The following RPS6KC1 variants were observed in gnomAD, a reference collection of about 807,000 sequenced individuals.
The protein encoded by RPS6KC1 is inactive ribosomal protein S6 kinase delta-1.
RPS6KC1 carries 54 observed loss-of-function variants against 103.8 expected under a neutral mutation model. The observed-to-expected ratio is 0.52, with a 90% confidence interval of 0.42 to 0.65. The LOEUF is 0.65. Ranked by LOEUF, RPS6KC1 falls within the 30% of genes least tolerant of loss-of-function variation. RPS6KC1 has a pLI of 0.00. For missense variants in RPS6KC1, 1,151 were observed against 1,253.8 expected (o/e 0.92, Z 1.24); for synonymous variants, 439 against 438.7 (o/e 1.00, Z -0.01).
chr1:213,296,552 A>G, the RPS6KC1 span, among the ~76,000 whole-genome samples: 2 of 152,190 alleles, frequency 1.3e-5, no homozygotes, highest in Non-Finnish European at 2.9e-5. Flanking sequence ...AAAACTGTAG[A>G]AGATAATCAG....
intron 8 of RPS6KC1, among the ~76,000 whole-genome samples, chr1:213,220,279 C>A (rs1284933066): frequency 6.6e-6 from 1 of 152,108 alleles, no homozygotes; most frequent in Admixed American, 6.5e-5. Flanking sequence ...ATTGTAGAAT[C>A]TAAAAATCTG....
In RPS6KC1 at chr1:213,241,141, T is replaced by C. The variant is rs561881280; in HGVS notation, c.1665T>C (p.Ala555=). ...TTAAAAGCTTCCCAGCACACCTTGC[T>C]GCTGACAGTGACAGCCCCAGCACAC... ...KAIKSFPAHL[A]ADSDSPSTQL... Residue 555 remains alanine, a synonymous_variant, in exon 11 of 15, where the codon GCT becomes GCC. Transcript: ENST00000366960. 6 of 1,613,896 alleles carry C rather than the reference T, an allele frequency of 3.7e-6. No homozygotes were observed. The South Asian group carries it at 5.5e-5, about 15-fold the overall frequency.
At chr1:213,724,622 A>G in the RPS6KC1 span, among the ~76,000 whole-genome samples, 1 of 152,198 alleles carries the variant, frequency 6.6e-6, no homozygotes, top group Non-Finnish European at 1.5e-5. Flanking sequence ...AGTTTGAGCC[A>G]GGTATAGTGG....
chr1:213,489,978 C>G, the RPS6KC1 span, among the ~76,000 whole-genome samples: 5 of 152,114 alleles, frequency 3.3e-5, no homozygotes, highest in African/African-American at 1.2e-4. Flanking sequence ...GCAACATGAT[C>G]ACGTTTATTT....
chr1:213,097,115 G>A (rs1228712878), intron 3 of RPS6KC1, among the ~76,000 whole-genome samples: 1 of 152,156 alleles, frequency 6.6e-6, no homozygotes, highest in African/African-American at 2.4e-5. Flanking sequence ...CAGCACTTTG[G>A]GAGGCCAAGG....
At chr1:213,755,741 C>T in the RPS6KC1 span, among the ~76,000 whole-genome samples, 1 of 152,250 alleles carries the variant, frequency 6.6e-6, no homozygotes. Flanking sequence ...CTTATGCAGA[C>T]ATGAACTTTG....
intron 5 of RPS6KC1, among the ~76,000 whole-genome samples, chr1:213,119,183 C>T (rs976666273): frequency 5.3e-5 from 8 of 151,646 alleles, no homozygotes; most frequent in East Asian, 1.9e-4. Context: ...TGGTGGCTCA[C>T]GCTTGTAATC....
the RPS6KC1 span, among the ~76,000 whole-genome samples, chr1:213,834,108 G>A: frequency 1.5e-4 from 23 of 152,112 alleles, no homozygotes; most frequent in African/African-American, 5.1e-4. Flanking sequence ...GCACAATCAC[G>A]GCTCACTGCA....
At chr1:213,163,232 A>C (rs977763445) in intron 6 of RPS6KC1, among the ~76,000 whole-genome samples, 6 of 152,242 alleles carry the variant, frequency 3.9e-5, no homozygotes, top group Non-Finnish European at 8.8e-5. Context: ...AGCAGCAACA[A>C]ACAAAAACTC....
In RPS6KC1 at chr1:213,230,542, A is replaced by C; in HGVS notation, c.1090A>C (p.Lys364Gln). ...AAGGACAGAACAGACTTTCATTTTA[A>C]AAGTAAGTAAAATTTGTAGCCAGGC... ...DTRTEQTFIL[K>Q]GLRKSSEYSR... Residue 364 changes from lysine (K) to glutamine (Q), a missense_variant and splice_region_variant, in exon 9 of 15, where the codon AAA (lysine) becomes CAA (glutamine). Coordinates refer to ENST00000366960, the MANE Select transcript of RPS6KC1 (RefSeq NM_012424.6). The C allele has an allele frequency of 6.2e-7, 1 of 1,604,478 alleles. No homozygotes were observed. Among genetic ancestry groups the C allele is most frequent in the Non-Finnish European group, 8.5e-7 (1 of 1,175,004 alleles).
At chr1:213,663,502 C>T in the RPS6KC1 span, among the ~76,000 whole-genome samples, 1 of 152,134 alleles carries the variant, frequency 6.6e-6, no homozygotes, top group African/African-American at 2.4e-5. Context: ...TTCTCTTTTC[C>T]CCACGAATCA....
chr1:213,129,663 A>C lies in RPS6KC1; in HGVS notation c.609A>C (p.Ala203=). ...TCAATCTTTCTTCGGATTCTTCAGC[A>C]CTAGGGGCTGTTGCTTCTGACAGTG... ...FGLNLSSDSS[A]LGAVASDSEQ... is the part of the protein sequence containing the mutation. The change falls in exon 6 of 15, where the codon GCA becomes GCC. Residue 203 remains alanine (A), a synonymous_variant. Transcript: ENST00000366960. The C allele has an allele frequency of 6.2e-7, 1 of 1,614,092 alleles. No homozygotes were observed. Among genetic ancestry groups the C allele is most frequent in the Non-Finnish European group, 8.5e-7 (1 of 1,179,976 alleles).
chr1:213,357,949 T>A, the RPS6KC1 span, among the ~76,000 whole-genome samples: 3 of 152,178 alleles, frequency 2.0e-5, no homozygotes, highest in African/African-American at 7.2e-5. Context: ...TTGATTTGCG[T>A]ATGTTGAACC....
chr1:213,794,329 A>G, the RPS6KC1 span: 1 of 152,178 alleles, frequency 6.6e-6, no homozygotes, highest in Non-Finnish European at 1.5e-5. Flanking sequence ...ATAATGTGTG[A>G]CTTTCCCCCA....
At chr1:213,322,604 G>T in the RPS6KC1 span, among the ~76,000 whole-genome samples, 1 of 152,164 alleles carries the variant, frequency 6.6e-6, no homozygotes, top group Admixed American at 6.5e-5. Context: ...GGTCAAAGTC[G>T]TAAAATCAAG....
the RPS6KC1 span, among the ~76,000 whole-genome samples, chr1:213,723,715 T>C: frequency 1.3e-5 from 2 of 152,236 alleles, no homozygotes; most frequent in African/African-American, 4.8e-5. Flanking sequence ...AATGGAATTT[T>C]ATTCAATTCA....
chr1:213,164,224 T>G (rs1214178542), intron 6 of RPS6KC1, among the ~76,000 whole-genome samples: 1 of 152,228 alleles, frequency 6.6e-6, no homozygotes. Context: ...TGGTGATGGC[T>G]TCTTGGATAA....
the RPS6KC1 span, among the ~76,000 whole-genome samples, chr1:213,710,203 A>G: frequency 6.6e-6 from 1 of 152,176 alleles, no homozygotes; most frequent in Non-Finnish European, 1.5e-5. Flanking sequence ...GTGCTCCTGT[A>G]TTGGGTGCAT....
chr1:213,745,903 G>C, the RPS6KC1 span, among the ~76,000 whole-genome samples: 2 of 152,170 alleles, frequency 1.3e-5, no homozygotes, highest in Non-Finnish European at 2.9e-5. Flanking sequence ...CTCCTCTCCT[G>C]TACCCGGGAC....
Sources: gnomAD v4.1 joint callset for allele counts (sites outside exome capture counted in the v4.1 genomes callset) on GRCh38, gnomAD v4.1.1 for gene constraint, MANE v1.5 for transcripts, NCBI Gene and HGNC (gene_info 2026-07-23, HGNC 2026-07-21) for gene names.